EMC1: variants seen among roughly 807,000 people sequenced by gnomAD.
EMC1 encodes ER membrane protein complex subunit 1.
EMC1 carries 103 observed loss-of-function variants against 128.8 expected under a neutral mutation model. The ratio of observed to expected loss-of-function variants is 0.80; its 90% confidence interval spans 0.68 to 0.94. The LOEUF (loss-of-function observed/expected upper bound fraction) is 0.94. EMC1 is among the 40% of genes least tolerant of loss of function. EMC1 has a pLI of 0.00. For missense variants in EMC1, 1,083 were observed against 1,250.6 expected, an observed-to-expected ratio of 0.87 and a Z score of 2.02; for synonymous variants, 442 against 490.4, an observed-to-expected ratio of 0.90 and a Z score of 1.30.
chr1:19,220,617 G>T (rs908958199), intron 21 of EMC1, 147 bp downstream of exon 21: 68 of 539,856 alleles, frequency 1.3e-4, no homozygotes, highest in Non-Finnish European at 1.3e-4. Context: ...GCTCCATGAG[G>T]GCAGGTGACT....
Position 19,248,414 on chromosome 1 carries a change from T to TTTTTG in EMC1, c.95+2996_95+3000dup, listed in dbSNP as rs913430325. Among the ~76,000 whole-genome samples the TTTTTG allele has an allele frequency of 1.7e-4, 26 of 151,882 alleles. 1 individual carries two copies. In the South Asian group the frequency reaches 4.4e-3, roughly 26 times the overall value. On this transcript the variant is annotated intron_variant, in intron 1 of 22. Coordinates refer to ENST00000477853, the MANE Select transcript of EMC1 (RefSeq NM_015047.3). ...GGTTTCGCCATATTGCCCAACCTGT[T>TTTTTG]TTTTGTTTTGTTTTGTTTTGTTTCT...
chr1:19,227,787 A>G (rs1200043067), intron 17 of EMC1, among the ~76,000 whole-genome samples: 1 of 152,154 alleles, frequency 6.6e-6, no homozygotes, highest in Non-Finnish European at 1.5e-5. Flanking sequence ...GGCTGCAGTG[A>G]GCTGAGATCA....
chr1:19,220,621 G>C, intron 21 of EMC1, 143 bp downstream of exon 21: 2 of 552,252 alleles, frequency 3.6e-6, no homozygotes, highest in Non-Finnish European at 6.5e-6. Context: ...CATGAGGGCA[G>C]GTGACTTTTT....
intron 2 of EMC1, 173 bp downstream of exon 2, chr1:19,244,733 A>G (rs2093623908): frequency 6.1e-6 from 4 of 652,300 alleles, no homozygotes; most frequent in Non-Finnish European, 2.6e-6. Flanking sequence ...AGTTATAGGA[A>G]CATACAAATA....
chr1:19,241,262 G>A, intron 5 of EMC1, 120 bp from the exon 6 acceptor site: 1 of 1,177,810 alleles, frequency 8.5e-7, no homozygotes, highest in Non-Finnish European at 1.2e-6. Flanking sequence ...GGTTTTGTTT[G>A]GCTCACACAG....
Position 19,223,495 on chromosome 1 carries a change from G to T in EMC1, c.2277C>A (p.Ile759=). Residue 759 remains isoleucine (I), a synonymous_variant, in exon 19 of 23, where the codon ATC becomes ATA. Coordinates refer to ENST00000477853, the MANE Select transcript of EMC1 (RefSeq NM_015047.3). Reference sequence around the variant, plus strand: ...GCCCAGTGACGCCATCAATGAGGAAGATGCCAATAAAGGTGCGCTCATGGT... The same window carrying T: ...GCCCAGTGACGCCATCAATGAGGAATATGCCAATAAAGGTGCGCTCATGGT... ...DAHHERTFIG[I]FLIDGVTGRI... 6.2e-7 allele frequency: 1 copy of T among 1,614,114 alleles called. No individual in the cohort carries two copies. Among genetic ancestry groups the T allele is most frequent in the Non-Finnish European group, 8.5e-7 (1 of 1,180,032 alleles).
At chr1:19,234,338 G>A (rs141495057) in intron 13 of EMC1, 575 of 202,142 alleles carry the variant, frequency 2.8e-3, no homozygotes, top group Non-Finnish European at 4.5e-3. Flanking sequence ...AGAGAGGGTG[G>A]GGGGCAGGAC....
chr1:19,223,452 C>T lies in EMC1; in HGVS notation c.2320G>A (p.Val774Met). The change falls in exon 19 of 23, where the codon GTG (valine) becomes ATG (methionine). Residue 774 changes from valine to methionine, a missense_variant. Physicochemically the swap from Val to Met is conservative, Grantham distance 21. Around this residue, in one of 3 missense-constraint regions of EMC1, gnomAD observed 527 missense variants for 644.1 expected, o/e 0.82. Coordinates refer to ENST00000477853, the MANE Select transcript of EMC1 (RefSeq NM_015047.3). ...ACAGGGCCTTTGGCTTTCTTCTGCA[C>T]AGAGGAGTGAATGATACGCCCAGTG... ...GVTGRIIHSS[V>M]QKKAKGPVHI... 6.2e-7 allele frequency: 1 copy of T among 1,614,184 alleles called. No homozygotes were observed. The highest frequency in any genetic ancestry group is 1.3e-5 in the African/African-American group (1 of 75,034).
At chr1:19,220,361 G>T (rs968907932) in intron 21 of EMC1, 1 of 159,452 alleles carries the variant, frequency 6.3e-6, no homozygotes, top group Non-Finnish European at 1.4e-5. Context: ...TGTTCCCTCT[G>T]CCTAGAAAGT....
intron 20 of EMC1, chr1:19,221,065 A>G (rs942932806): frequency 1.2e-4 from 48 of 390,018 alleles, no homozygotes; most frequent in Non-Finnish European, 1.8e-4. Flanking sequence ...TTTCTGAGAC[A>G]CCAGAAAATA....
rs530053253 is a variant in EMC1, at chr1:19,251,370, G to A, written c.95+45C>T. On this transcript the variant is annotated intron_variant, in intron 1 of 22. Transcript: ENST00000477853. ...TTTAGCAGGTAGGAGACAGGTACTG[G>A]GGAAACAGCCACTTATCTCTCGAAT... 110 of 1,544,246 alleles carry A rather than the reference G, an allele frequency of 7.1e-5. 1 individual carries two copies. In the South Asian group the frequency reaches 1.1e-3, roughly 16 times the overall value.
chr1:19,239,912 G>A lies in EMC1; in HGVS notation c.860C>T (p.Ser287Phe). The change falls in exon 8 of 23, where the codon TCC becomes TTC. Residue 287 changes from serine to phenylalanine, a missense_variant. Physicochemically the swap from Ser to Phe is radical, Grantham distance 155 (BLOSUM62 -2). Around this residue, in one of 3 missense-constraint regions of EMC1, gnomAD observed 544 missense variants for 572.4 expected, o/e 0.95. Coordinates refer to ENST00000477853, the MANE Select transcript of EMC1 (RefSeq NM_015047.3). ...CAAGTGCAGGAAGAACTGGGCCCGGGAAGCGTCCACTGGGTTGGGCTGGGT... is the reference window on the plus strand; with the variant it reads ...CAAGTGCAGGAAGAACTGGGCCCGGAAAGCGTCCACTGGGTTGGGCTGGGT... ...LPTQPNPVDA[S>F]RAQFFLHLSP... 6.2e-7 allele frequency: 1 copy of A among 1,614,154 alleles called. No homozygotes were observed.
chr1:19,223,630 G>A (rs2093449117), intron 18 of EMC1, 61 bp from the exon 19 acceptor site: 3 of 1,524,352 alleles, frequency 2.0e-6, no homozygotes, highest in Non-Finnish European at 2.7e-6. Context: ...CTCCATTCCT[G>A]TGCTGTGAGA....
chr1:19,251,280 G>A (rs2093658066), intron 1 of EMC1, 135 bp downstream of exon 1: 2 of 774,898 alleles, frequency 2.6e-6, no homozygotes, highest in African/African-American at 1.8e-5. Flanking sequence ...TTAACAAGGG[G>A]CCCCACGTTT....
intron 1 of EMC1, among the ~76,000 whole-genome samples, chr1:19,250,988 C>T (rs2093656494): frequency 1.3e-5 from 2 of 152,202 alleles, no homozygotes; most frequent in Admixed American, 6.5e-5. Context: ...CAGTTTAGGA[C>T]TTTTAAGACG....
chr1:19,233,959 A>G (rs1169712557), intron 13 of EMC1, among the ~76,000 whole-genome samples: 1 of 152,192 alleles, frequency 6.6e-6, no homozygotes, highest in Non-Finnish European at 1.5e-5. Context: ...AACTCACTAA[A>G]AAAGGAGCAG....
chr1:19,220,701 C>T, intron 21 of EMC1, 63 bp downstream of exon 21: 1 of 1,339,200 alleles, frequency 7.5e-7, no homozygotes, highest in Admixed American at 1.9e-5. Context: ...AAGAACCAAG[C>T]TTAATCAGTG....
intron 4 of EMC1, 24 bp downstream of exon 4, chr1:19,243,590 G>A (rs761329227): frequency 1.6e-5 from 25 of 1,596,400 alleles, no homozygotes; most frequent in Non-Finnish European, 2.1e-5. Context: ...ACTCAGTCAA[G>A]ATAAAATCCA....
Position 19,244,976 on chromosome 1 carries a change from T to C in EMC1, c.150A>G (p.Gly50=), listed in dbSNP as rs531676395. 6.2e-7 allele frequency: 1 copy of C among 1,613,958 alleles called. No homozygotes were observed. The highest frequency in any genetic ancestry group is 1.3e-5 in the African/African-American group (1 of 74,992). The change falls in exon 2 of 23, where the codon GGA becomes GGG. Residue 50 remains glycine, a synonymous_variant. Transcript: ENST00000477853. ...CTGTGGCTACAACCAACTTCTTGGA[T>C]CCAGGGGAAAATTCCAAGGAGGCAA... ...VKFASLEFSP[G]SKKLVVATEK...
Sources: gnomAD v4.1 joint callset for allele counts (sites outside exome capture counted in the v4.1 genomes callset) on GRCh38, gnomAD v4.1.1 for gene constraint, gnomAD v4.1.1 regional missense constraint, MANE v1.5 for transcripts, NCBI Gene and HGNC (gene_info 2026-07-23, HGNC 2026-07-21) for gene names.